The following ANOS1 variants were observed in gnomAD, a reference collection of about 807,000 sequenced individuals.
ANOS1 encodes the protein anosmin-1.
Under a neutral mutation model 59.0 loss-of-function variants are expected in ANOS1, and 6 were observed. That is an observed-to-expected ratio of 0.10 (90% confidence interval 0.06 to 0.20). ANOS1 has a LOEUF of 0.20. Ranked by LOEUF, ANOS1 falls within the 10% of genes least tolerant of loss-of-function variation. The pLI, the probability that ANOS1 is intolerant of heterozygous loss-of-function variation, is 1.00. For missense variants in ANOS1, 433 were observed against 542.3 expected (o/e 0.80, Z 2.00); for synonymous variants, 217 against 223.4 (o/e 0.97, Z 0.25).
At chrX:8,696,064 C>A (rs1025794507) in intron 2 of ANOS1, among the ~76,000 whole-genome samples, 1 of 111,858 alleles carries the variant, frequency 8.9e-6, no homozygotes, top group African/African-American at 3.2e-5. Context: ...GGTATTTCCT[C>A]TTCATGTGCA....
chrX:8,636,350 CTT>C (rs953291782), intron 2 of ANOS1, among the ~76,000 whole-genome samples: 12 of 111,729 alleles, frequency 1.1e-4, no homozygotes, highest in African/African-American at 3.9e-4. Flanking sequence ...GGATTTTGCT[CTT>C]TGTCCCTGTG....
chrX:8,537,804 AG>A (rs1300520443), intron 10 of ANOS1, among the ~76,000 whole-genome samples: 2 of 109,307 alleles, frequency 1.8e-5, no homozygotes, highest in Non-Finnish European at 3.8e-5. Flanking sequence ...TTTTTAAGAG[AG>A]GAAAAAAAGT....
intron 2 of ANOS1, among the ~76,000 whole-genome samples, chrX:8,685,652 GAAA>G (rs1932509072): frequency 1.0e-5 from 1 of 97,360 alleles, no homozygotes; most frequent in African/African-American, 4.0e-5. Flanking sequence ...AAGAAAGAAA[GAAA>G]GAAAAAGAAA....
At chrX:8,729,391 C>CTTTTT (rs1162458402) in intron 1 of ANOS1, among the ~76,000 whole-genome samples, 9 of 72,626 alleles carry the variant, frequency 1.2e-4, no homozygotes, top group East Asian at 8.4e-4. Context: ...ACCTTCCTTC[C>CTTTTT]TTTTTTTTTT....
intron 9 of ANOS1, among the ~76,000 whole-genome samples, chrX:8,541,446 CA>C (rs770726780): frequency 5.5e-5 from 5 of 91,261 alleles, no homozygotes; most frequent in Non-Finnish European, 8.6e-5. Flanking sequence ...AAAAATAAAA[CA>C]AAAAAAAAAC....
intron 3 of ANOS1, among the ~76,000 whole-genome samples, chrX:8,607,138 G>A (rs1257554329): frequency 8.9e-6 from 1 of 112,207 alleles, no homozygotes; most frequent in African/African-American, 3.2e-5. Flanking sequence ...AAAATAGGGT[G>A]TACTTTTAAA....
chrX:8,536,982 C>T (rs1929606782), intron 10 of ANOS1, 40 bp from the exon 11 acceptor site: 2 of 1,080,876 alleles, frequency 1.9e-6, no homozygotes, highest in Non-Finnish European at 2.6e-6. Context: ...CAATAAATCT[C>T]ATTAGGGATT....
chrX:8,665,135 C>T (rs919706134), intron 2 of ANOS1, among the ~76,000 whole-genome samples: 4 of 111,912 alleles, frequency 3.6e-5, no homozygotes, highest in Admixed American at 2.8e-4. Flanking sequence ...ACTCATCCAA[C>T]GGACGCAGCA....
At chrX:8,543,259 G>T (rs375697388) in intron 9 of ANOS1, among the ~76,000 whole-genome samples, 1 of 110,936 alleles carries the variant, frequency 9.0e-6, no homozygotes, top group Non-Finnish European at 1.9e-5. Flanking sequence ...AGTGTGAAAA[G>T]ACATGATATT....
chrX:8,638,875 G>A (rs914924536), intron 2 of ANOS1, among the ~76,000 whole-genome samples: 2 of 111,690 alleles, frequency 1.8e-5, no homozygotes, highest in African/African-American at 6.5e-5. Context: ...GCAATGCTTA[G>A]AGCGACTGCT....
intron 2 of ANOS1, among the ~76,000 whole-genome samples, chrX:8,649,392 C>G (rs1053638321): frequency 4.5e-5 from 5 of 111,585 alleles, no homozygotes; most frequent in African/African-American, 1.6e-4. Flanking sequence ...AGTGACAAAG[C>G]TAGAACTTGA....
chrX:8,717,235 G>A (rs1639625760), intron 1 of ANOS1, among the ~76,000 whole-genome samples: 1 of 112,109 alleles, frequency 8.9e-6, no homozygotes, highest in Non-Finnish European at 1.9e-5. Flanking sequence ...CAAAATTGTG[G>A]AGTAATAAAG....
chrX:8,632,294 T>C (rs1283773472), intron 2 of ANOS1, among the ~76,000 whole-genome samples: 1 of 112,261 alleles, frequency 8.9e-6, no homozygotes, highest in East Asian at 2.8e-4. Context: ...CATAAAACAG[T>C]GAAAAAATAT....
chrX:8,610,033 A>AAAAAAAAAACAAC (rs1287806402), intron 3 of ANOS1, among the ~76,000 whole-genome samples: 10 of 82,670 alleles, frequency 1.2e-4, no homozygotes, highest in Non-Finnish European at 1.8e-4. Flanking sequence ...AAAAAAAAAA[A>AAAAAAAAAACAAC]AACAACAACC....
Position 8,568,184 on chromosome X carries a change from C to T in ANOS1, c.1207+48G>A, listed in dbSNP as rs755757045. ...TCCATTGTGCCTTGTTGTGATATGG[C>T]GCCCATCATGTCACAATCATCTTGA... On this transcript the variant is annotated intron_variant, in intron 8 of 13. Coordinates refer to ENST00000262648, the MANE Select transcript of ANOS1 (RefSeq NM_000216.4). 23 of 1,166,956 alleles carry T rather than the reference C, an allele frequency of 2.0e-5. No individual in the cohort carries two copies. The South Asian group carries it at 2.4e-4, about 12-fold the overall frequency.
At position 8,531,068 on chromosome X, in the gene ANOS1, G is replaced by A. The variant is rs2089770716; in HGVS notation, c.*1927C>T. The A allele has an allele frequency of 1.1e-5, 1 of 91,477 alleles. No individual in the cohort carries two copies. The highest frequency in any genetic ancestry group is 2.1e-5 in the Non-Finnish European group (1 of 46,696). The allele number at this position is 91,477 out of a possible 1,213,427, so 7.5% of individuals were successfully genotyped here. On this transcript the variant is annotated 3_prime_UTR_variant, in exon 14 of 14. Transcript: ENST00000262648. ...CAATGTGATAAATCCATCCCAGCTT[G>A]TGACAGGAGCTGCAGTGAACCATTC...
rs1057461272 is a variant in ANOS1, at chrX:8,724,690, C to A, written c.207+7140G>T. ...AGCCGGGGGATGGTGGGGTAAGAGG[C>A]AAGAGGTCAACAACTGCATCGACTG... On this transcript the variant is annotated intron_variant, in intron 1 of 13. Transcript: ENST00000262648. Among the ~76,000 whole-genome samples, 24 of 112,121 alleles carry A rather than the reference C, an allele frequency of 2.1e-4. No homozygotes were observed. In the Admixed American group the frequency reaches 2.3e-3, roughly 11 times the overall value.
intron 2 of ANOS1, among the ~76,000 whole-genome samples, chrX:8,675,183 T>G (rs952592201): frequency 3.6e-5 from 4 of 111,591 alleles, no homozygotes; most frequent in Non-Finnish European, 7.5e-5. Flanking sequence ...ATTTGGCACC[T>G]CTCAACTAGC....
In ANOS1 at chrX:8,570,531, T is replaced by C; in HGVS notation, c.1030A>G (p.Thr344Ala). Residue 344 changes from threonine to alanine, a missense_variant, in exon 7 of 14, where the codon ACA becomes GCA. By Grantham distance (58) the Thr-to-Ala change is moderately conservative (BLOSUM62 0). Coordinates refer to ENST00000262648, the MANE Select transcript of ANOS1 (RefSeq NM_000216.4). ...GTAGTCTTTCTCCGCTTCTTCTTTGTTGGGACAAGAGACTTACTGCTGACC... is the reference window on the plus strand; with the variant it reads ...GTAGTCTTTCTCCGCTTCTTCTTTGCTGGGACAAGAGACTTACTGCTGACC... ...WMVSSKSLVP[T>A]KKKRRKTTDG... The C allele has an allele frequency of 8.3e-7, 1 of 1,211,120 alleles. No individual in the cohort carries two copies. The highest frequency in any genetic ancestry group is 1.1e-6 in the Non-Finnish European group (1 of 894,825).
Sources: allele counts gnomAD v4.1 joint callset (sites outside exome capture counted in the v4.1 genomes callset), GRCh38; gene constraint gnomAD v4.1.1; transcripts MANE v1.5; gene names NCBI Gene and HGNC (gene_info 2026-07-23, HGNC 2026-07-21).